The following GLCE variants were observed in gnomAD, a reference collection of about 807,000 sequenced individuals.
GLCE encodes the protein glucuronic acid epimerase.
A neutral mutation model predicts 47.9 loss-of-function variants in GLCE; 19 were observed. That is an observed-to-expected ratio of 0.40 (90% CI 0.28 to 0.58). GLCE has a LOEUF of 0.58. GLCE is among the 20% of genes least tolerant of loss of function. The pLI, the probability that GLCE is intolerant of heterozygous loss-of-function variation, is 0.48. For missense variants in GLCE, 556 were observed against 743.3 expected, an observed-to-expected ratio of 0.75 and a Z score of 2.93; for synonymous variants, 245 against 263.4, an observed-to-expected ratio of 0.93 and a Z score of 0.68.
At chr15:69,187,867 A>G (rs2051847686) in intron 1 of GLCE, among the ~76,000 whole-genome samples, 1 of 152,146 alleles carries the variant, frequency 6.6e-6, no homozygotes, top group African/African-American at 2.4e-5. Flanking sequence ...GTTCGAGACC[A>G]GCTTGGCCAA....
intron 2 of GLCE, among the ~76,000 whole-genome samples, chr15:69,224,090 G>A (rs181835310): frequency 1.4e-4 from 21 of 152,138 alleles, no homozygotes; most frequent in Non-Finnish European, 1.0e-4. Flanking sequence ...TTTTGCCTTT[G>A]AATGTGCCAT....
chr15:69,261,687 A>G (rs1412781376), intron 4 of GLCE, among the ~76,000 whole-genome samples: 2 of 152,160 alleles, frequency 1.3e-5, no homozygotes, highest in African/African-American at 4.8e-5. Flanking sequence ...CAGTAAATAG[A>G]ATGGTTTTAA....
intron 1 of GLCE, among the ~76,000 whole-genome samples, chr15:69,167,277 C>CCCTT (rs2051518486): frequency 6.6e-6 from 1 of 152,172 alleles, no homozygotes; most frequent in Non-Finnish European, 1.5e-5. Flanking sequence ...ATACCAGATG[C>CCCTT]TTGATTTTCC....
At chr15:69,234,208 C>T (rs961449647) in intron 2 of GLCE, among the ~76,000 whole-genome samples, 2 of 152,042 alleles carry the variant, frequency 1.3e-5, no homozygotes, top group Non-Finnish European at 2.9e-5. Flanking sequence ...AAACTCCTGA[C>T]CTCAGGTAAT....
At chr15:69,198,845 A>T (rs537500466) in intron 1 of GLCE, among the ~76,000 whole-genome samples, 1 of 152,076 alleles carries the variant, frequency 6.6e-6, no homozygotes, top group Non-Finnish European at 1.5e-5. Context: ...GTGAACCACC[A>T]TGCTTGGCCA....
chr15:69,195,230 ATATT>A (rs1200575654), intron 1 of GLCE, among the ~76,000 whole-genome samples: 2 of 152,178 alleles, frequency 1.3e-5, no homozygotes, highest in Non-Finnish European at 2.9e-5. Flanking sequence ...TGTAAAAATG[ATATT>A]TATAAGTATT....
At chr15:69,257,388 GA>G (rs1156509250) in intron 3 of GLCE, among the ~76,000 whole-genome samples, 2 of 151,980 alleles carry the variant, frequency 1.3e-5, no homozygotes, top group Non-Finnish European at 2.9e-5. Flanking sequence ...CCCAGGCCTG[GA>G]GTGCAGTGAT....
intron 2 of GLCE, among the ~76,000 whole-genome samples, chr15:69,214,982 C>A (rs2052284688): frequency 6.6e-6 from 1 of 152,144 alleles, no homozygotes; most frequent in African/African-American, 2.4e-5. Context: ...TTCTGTATAT[C>A]CCCATCAATC....
chr15:69,200,445 G>T (rs779720636), intron 1 of GLCE, among the ~76,000 whole-genome samples: 1 of 152,066 alleles, frequency 6.6e-6, no homozygotes, highest in Admixed American at 6.6e-5. Flanking sequence ...CTGTTGTGTC[G>T]TTTTATACTT....
chr15:69,174,776 A>AT (rs2051637614), intron 1 of GLCE, among the ~76,000 whole-genome samples: 3 of 152,014 alleles, frequency 2.0e-5, no homozygotes, highest in South Asian at 2.1e-4. Context: ...TGACCTTCAT[A>AT]TTTTTTTATC....
At chr15:69,233,592 G>C (rs2052554190) in intron 2 of GLCE, among the ~76,000 whole-genome samples, 1 of 152,126 alleles carries the variant, frequency 6.6e-6, no homozygotes, top group Non-Finnish European at 1.5e-5. Context: ...TTGCTTCCTA[G>C]AGGTGGAGTT....
intron 2 of GLCE, among the ~76,000 whole-genome samples, chr15:69,250,818 A>C (rs1256657146): frequency 6.6e-6 from 1 of 152,114 alleles, no homozygotes; most frequent in Non-Finnish European, 1.5e-5. Context: ...AAAAAAAAAA[A>C]AAAAACAGCG....
chr15:69,165,531 CT>C (rs1035069678), intron 1 of GLCE, among the ~76,000 whole-genome samples: 9 of 75,866 alleles, frequency 1.2e-4, no homozygotes, highest in African/African-American at 4.0e-4. Context: ...TTTTTTAGCT[CT>C]TTTTTAGTTA....
At chr15:69,168,037 C>G (rs2140325779) in intron 1 of GLCE, among the ~76,000 whole-genome samples, 1 of 152,126 alleles carries the variant, frequency 6.6e-6, no homozygotes, top group South Asian at 2.1e-4. Flanking sequence ...ATATCTCTTC[C>G]ACACATACTC....
chr15:69,268,575 C>T lies in GLCE; in HGVS notation c.1185C>T (p.Thr395=). 2.5e-6 allele frequency: 4 copies of T among 1,614,152 alleles called. No homozygotes were observed. Among genetic ancestry groups the T allele is most frequent in the Non-Finnish European group, 3.4e-6 (4 of 1,180,014 alleles). Residue 395 remains threonine (T), a synonymous_variant, in exon 5 of 5, where the codon ACC becomes ACT. Transcript: ENST00000261858. ...AKGKGFLDNI[T]ISTTAHMAAF... is the part of the protein sequence containing the mutation. ...GTAAGGGATTCCTCGACAACATTAC[C>T]ATCTCTACCACAGCCCACATGGCTG...
At chr15:69,246,893 T>C (rs2052758194) in intron 2 of GLCE, among the ~76,000 whole-genome samples, 2 of 152,154 alleles carry the variant, frequency 1.3e-5, no homozygotes, top group African/African-American at 2.4e-5. Flanking sequence ...GGAATCTTTT[T>C]TTCTGAGCAG....
intron 1 of GLCE, among the ~76,000 whole-genome samples, chr15:69,169,622 C>G (rs887789544): frequency 2.0e-5 from 3 of 149,470 alleles, no homozygotes; most frequent in African/African-American, 7.4e-5. Context: ...CAATTCTCAC[C>G]TATGAATGAT....
chr15:69,167,295 G>A (rs2051519067), intron 1 of GLCE, among the ~76,000 whole-genome samples: 1 of 152,216 alleles, frequency 6.6e-6, no homozygotes, highest in African/African-American at 2.4e-5. Flanking sequence ...TCCCCCTCAA[G>A]GGGAAGAAGC....
intron 1 of GLCE, among the ~76,000 whole-genome samples, chr15:69,171,399 CTTTT>C (rs201615586): frequency 1.4e-5 from 2 of 140,190 alleles, no homozygotes. Context: ...GGGATATATT[CTTTT>C]TTTTTTTTTT....
Sources: gnomAD v4.1 joint callset for allele counts (sites outside exome capture counted in the v4.1 genomes callset) on GRCh38, gnomAD v4.1.1 for gene constraint, MANE v1.5 for transcripts, NCBI Gene and HGNC (gene_info 2026-07-23, HGNC 2026-07-21) for gene names.